The following ALK variants were observed in gnomAD, a reference collection of about 807,000 sequenced individuals.
ALK encodes ALK tyrosine kinase receptor.
In ALK, 74 loss-of-function variants were observed where a neutral mutation model predicts 163.1. That is an observed-to-expected ratio of 0.45 (90% CI 0.38 to 0.55). The LOEUF is 0.55. ALK is among the 20% of genes least tolerant of loss of function. The pLI, the probability that ALK is intolerant of heterozygous loss-of-function variation, is 0.00. For missense variants in ALK, 2,063 were observed against 2,105.3 expected, an observed-to-expected ratio of 0.98 and a Z score of 0.39; for synonymous variants, 960 against 843.2, an observed-to-expected ratio of 1.14 and a Z score of -2.40.
rs149828192 is a variant in ALK, at chr2:29,559,720, C to T, written c.953-27604G>A. Among the ~76,000 whole-genome samples the T allele has an allele frequency of 4.0e-5, 6 of 151,270 alleles. No individual in the cohort carries two copies. The South Asian group carries it at 8.4e-4, about 21-fold the overall frequency. On this transcript the variant is annotated intron_variant, in intron 3 of 28. Coordinates refer to ENST00000389048, the MANE Select transcript of ALK (RefSeq NM_004304.5). The stretch of plus-strand genomic sequence containing the variant: ...TAAATGAAGAGTAATGAGGGTGGAG[C>T]TGCTGTGCCTGTGTTCATGATGTGT...
intron 4 of ALK, among the ~76,000 whole-genome samples, chr2:29,422,104 C>G (rs1479825809): frequency 1.3e-5 from 2 of 151,446 alleles, no homozygotes; most frequent in African/African-American, 2.5e-5. Context: ...GAATCAGAGT[C>G]TGAAGACCAA....
intron 3 of ALK, among the ~76,000 whole-genome samples, chr2:29,648,602 C>T (rs1278917704): frequency 6.6e-6 from 1 of 151,836 alleles, no homozygotes; most frequent in Non-Finnish European, 1.5e-5. Context: ...TGGAATCATA[C>T]AGTATTTGTC....
chr2:29,871,450 T>C (rs1666574820), intron 1 of ALK, among the ~76,000 whole-genome samples: 1 of 152,028 alleles, frequency 6.6e-6, no homozygotes, highest in South Asian at 2.1e-4. Flanking sequence ...TAGATGGGAG[T>C]CCAAGGCTGG....
intron 4 of ALK, among the ~76,000 whole-genome samples, chr2:29,401,706 C>T (rs191735981): frequency 3.9e-5 from 6 of 152,160 alleles, no homozygotes; most frequent in African/African-American, 7.2e-5. Context: ...GCGCCTCCCA[C>T]GCAGGCCTCC....
At chr2:29,283,532 G>C (rs777296993) in intron 9 of ALK, among the ~76,000 whole-genome samples, 12 of 152,150 alleles carry the variant, frequency 7.9e-5, no homozygotes, top group Non-Finnish European at 1.5e-4. Flanking sequence ...AAAAAGGGTG[G>C]TTTCTACCTC....
At chr2:29,329,345 C>T (rs1015938249) in intron 5 of ALK, among the ~76,000 whole-genome samples, 2 of 152,216 alleles carry the variant, frequency 1.3e-5, no homozygotes, top group Non-Finnish European at 2.9e-5. Context: ...GCCTCCCTGA[C>T]CAAATGGAGG....
intron 4 of ALK, among the ~76,000 whole-genome samples, chr2:29,485,253 A>G (rs1671753044): frequency 6.6e-6 from 1 of 152,198 alleles, no homozygotes; most frequent in African/African-American, 2.4e-5. Context: ...GTAACCACCA[A>G]TGGATATTCT....
chr2:29,415,447 T>C (rs1395195626), intron 4 of ALK, among the ~76,000 whole-genome samples: 1 of 152,126 alleles, frequency 6.6e-6, no homozygotes, highest in African/African-American at 2.4e-5. Context: ...TTTGGTCACC[T>C]AGCCTGGTAT....
At chr2:29,906,406 G>A (rs1667550640) in intron 1 of ALK, among the ~76,000 whole-genome samples, 1 of 152,086 alleles carries the variant, frequency 6.6e-6, no homozygotes, top group Admixed American at 6.5e-5. Context: ...ATTATTTGTT[G>A]AATTAATGAT....
rs774127733 is a variant in ALK at position 29,531,915 on chromosome 2, C to G, written c.1154G>C (p.Gly385Ala). The change falls in exon 4 of 29, where the codon GGT becomes GCT. Residue 385 changes from glycine (G) to alanine (A), a missense_variant and splice_region_variant. Gly to Ala is a moderately conservative substitution (Grantham distance 60). Transcript: ENST00000389048. Reference protein sequence around the residue: ...ILLMPTPGKHGWTVLQGRIGR... With the variant: ...ILLMPTPGKHAWTVLQGRIGR... Reference sequence around the variant, plus strand: ...ATTTTGGACATGGAGAAGTACTTACCCATGCTTCCCTGGAGTGGGCATCAG... The same window carrying G: ...ATTTTGGACATGGAGAAGTACTTACGCATGCTTCCCTGGAGTGGGCATCAG... The G allele has an allele frequency of 4.3e-6, 7 of 1,613,944 alleles. 1 individual carries two copies. The South Asian group carries it at 4.4e-5, about 10-fold the overall frequency.
At chr2:29,519,796 G>A (rs1672764278) in intron 4 of ALK, among the ~76,000 whole-genome samples, 1 of 152,216 alleles carries the variant, frequency 6.6e-6, no homozygotes, top group African/African-American at 2.4e-5. Flanking sequence ...TCTGAGGCCT[G>A]CAGGTGAACA....
rs114101414 is a variant in ALK, at chr2:29,272,372, C to T, written c.2041+2727G>A. 2.8e-3 allele frequency among the ~76,000 whole-genome samples: 431 copies of T among 152,272 alleles called. 4 individuals are homozygous for T. Among genetic ancestry groups the T allele is most frequent in the African/African-American group, 9.6e-3 (397 of 41,568 alleles). ...TTAGCTAAAGTGACTCAGAGTCTTC[C>T]GAGAATGCTGCATGAAGCACCTGGA... On this transcript the variant is annotated intron_variant, in intron 11 of 28. Transcript: ENST00000389048.
Position 29,320,891 on chromosome 2 carries a change from A to AT in ALK, c.1415-10_1415-9insA. 4 of 1,614,176 alleles carry AT rather than the reference A, an allele frequency of 2.5e-6. No individual in the cohort carries two copies. The highest frequency in any genetic ancestry group is 1.7e-6 in the Non-Finnish European group (2 of 1,180,018). On this transcript the variant is annotated splice_polypyrimidine_tract_variant and intron_variant, in intron 6 of 28. Coordinates refer to ENST00000389048, the MANE Select transcript of ALK (RefSeq NM_004304.5). ...ACCCACAGGCAGTTTCCCTATGGAG[A>AT]GAGCAGAGAGGCACCATCATTTTCA...
At chr2:29,248,603 A>G (rs1190139883) in intron 12 of ALK, among the ~76,000 whole-genome samples, 1 of 152,238 alleles carries the variant, frequency 6.6e-6, no homozygotes, top group Non-Finnish European at 1.5e-5. Context: ...CAACAGAGGC[A>G]AAATCGCCAG....
chr2:29,568,402 G>A (rs1266720463), intron 3 of ALK, among the ~76,000 whole-genome samples: 1 of 152,152 alleles, frequency 6.6e-6, no homozygotes, highest in Non-Finnish European at 1.5e-5. Flanking sequence ...GCTACAACAA[G>A]TGTCACTGCC....
At chr2:29,282,694 T>C (rs1440723322) in intron 9 of ALK, among the ~76,000 whole-genome samples, 1 of 152,186 alleles carries the variant, frequency 6.6e-6, no homozygotes, top group Non-Finnish European at 1.5e-5. Flanking sequence ...TAGAGATCTT[T>C]CACAATGAGT....
At chr2:29,402,226 T>G (rs1454173716) in intron 4 of ALK, among the ~76,000 whole-genome samples, 1 of 152,106 alleles carries the variant, frequency 6.6e-6, no homozygotes, top group Non-Finnish European at 1.5e-5. Flanking sequence ...TCAGATTGTG[T>G]GGGGGGCCAG....
chr2:29,589,971 T>C (rs1675000285), intron 3 of ALK, among the ~76,000 whole-genome samples: 1 of 152,212 alleles, frequency 6.6e-6, no homozygotes, highest in Admixed American at 6.5e-5. Context: ...GGTCATTGTG[T>C]CAAGCTCTCT....
At chr2:29,296,843 A>G in intron 9 of ALK, 45 bp downstream of exon 9, 1 of 1,612,726 alleles carries the variant, frequency 6.2e-7, no homozygotes, top group East Asian at 2.2e-5. Context: ...TTTTCATTTT[A>G]GCTGATAGAG....
Sources: allele counts gnomAD v4.1 joint callset (sites outside exome capture counted in the v4.1 genomes callset), GRCh38; gene constraint gnomAD v4.1.1; transcripts MANE v1.5; gene names NCBI Gene and HGNC (gene_info 2026-07-23, HGNC 2026-07-21).